INSL6: variants seen among roughly 807,000 people sequenced by gnomAD.
The protein encoded by INSL6 is insulin-like peptide INSL6.
INSL6 carries 16 observed loss-of-function variants against 9.4 expected under a neutral mutation model. That is an observed-to-expected ratio of 1.70 (90% CI 1.15 to 2.59). The LOEUF is 2.59. Ranked by LOEUF, INSL6 falls within the 30% of genes most tolerant of loss-of-function variation. The probability of loss-of-function intolerance (pLI) is 0.00; values close to 1 mark genes in which losing one functional copy is unlikely to be tolerated. For synonymous variants in INSL6, 154 were observed against 96.9 expected, an observed-to-expected ratio of 1.59 and a Z score of -3.46; for missense variants, 391 against 257.3, an observed-to-expected ratio of 1.52 and a Z score of -3.56.
the INSL6 span, among the ~76,000 whole-genome samples, chr9:5,032,364 C>T: frequency 6.6e-6 from 1 of 152,218 alleles, no homozygotes; most frequent in Admixed American, 6.5e-5. Context: ...CCTTTGCAGA[C>T]TTAAATGTCC....
At chr9:5,164,971 G>A (rs1305700432) in intron 1 of INSL6, among the ~76,000 whole-genome samples, 1 of 152,234 alleles carries the variant, frequency 6.6e-6, no homozygotes, top group African/African-American at 2.4e-5. Context: ...ACTCTGGGAG[G>A]CCGAGGCGGG....
downstream of INSL6, among the ~76,000 whole-genome samples, chr9:5,120,322 A>G (rs1823519078): frequency 6.6e-6 from 1 of 152,242 alleles, no homozygotes. Flanking sequence ...TAATACCATC[A>G]CATTAACAAC....
chr9:5,112,638 A>C, the INSL6 span: 1 of 1,008,046 alleles, frequency 9.9e-7, no homozygotes, highest in Non-Finnish European at 1.4e-6. Flanking sequence ...AACAGCGAGA[A>C]GCCCCAGACC....
intron 1 of INSL6, among the ~76,000 whole-genome samples, chr9:5,170,271 T>G (rs1053597538): frequency 1.3e-5 from 2 of 152,072 alleles, no homozygotes. Context: ...ATGATAAAAT[T>G]AAGGCAGAAA....
At chr9:5,111,002 C>G in the INSL6 span, 1 of 705,782 alleles carries the variant, frequency 1.4e-6, no homozygotes, top group Non-Finnish European at 2.4e-6. Flanking sequence ...CTGCCCGTTG[C>G]CAACGGGAAG....
intron 3 of INSL6, chr9:5,127,795 T>C: frequency 4.3e-6 from 1 of 232,640 alleles, no homozygotes; most frequent in Non-Finnish European, 8.5e-6. Flanking sequence ...AGGTTAAGAA[T>C]TTTTTCCTAA....
At chr9:5,126,099 C>T (rs976814408) in intron 3 of INSL6, 3 of 349,746 alleles carry the variant, frequency 8.6e-6, no homozygotes, top group South Asian at 2.1e-4. Context: ...GTGTTTTGAG[C>T]CCTCCTCAGG....
At chr9:5,072,555 G>GACT in the INSL6 span, 1 of 1,611,000 alleles carries the variant, frequency 6.2e-7, no homozygotes, top group Non-Finnish European at 8.5e-7. Flanking sequence ...AGAAGTAGGA[G>GACT]ACTACGGTCA....
chr9:5,161,777 C>T (rs189958037), downstream of INSL6, among the ~76,000 whole-genome samples: 4 of 152,210 alleles, frequency 2.6e-5, no homozygotes, highest in Admixed American at 6.5e-5. Flanking sequence ...TTCAGTAGCA[C>T]TTCTATGTGC....
At chr9:5,029,697 C>T in the INSL6 span, 1 of 1,256,858 alleles carries the variant, frequency 8.0e-7, no homozygotes, top group East Asian at 2.5e-5. Context: ...AGAGTTGTTA[C>T]TTTAGCTTCA....
intron 2 of INSL6, among the ~76,000 whole-genome samples, chr9:5,152,931 C>T (rs1001381038): frequency 4.6e-5 from 7 of 152,050 alleles, no homozygotes; most frequent in Admixed American, 1.3e-4. Flanking sequence ...TCGCCTCACC[C>T]GGGAAGCACA....
At chr9:5,105,065 C>G in the INSL6 span, among the ~76,000 whole-genome samples, 1 of 152,102 alleles carries the variant, frequency 6.6e-6, no homozygotes, top group East Asian at 1.9e-4. Context: ...CCAGGGCAAT[C>G]AGGCAAGAGA....
the INSL6 span, among the ~76,000 whole-genome samples, chr9:5,052,850 C>G: frequency 2.0e-5 from 3 of 151,960 alleles, no homozygotes; most frequent in African/African-American, 7.2e-5. Context: ...ATTGCTGAAT[C>G]ATTTCATTAT....
At chr9:5,142,686 CTCTT>C (rs976519822) in intron 2 of INSL6, among the ~76,000 whole-genome samples, 5 of 151,234 alleles carry the variant, frequency 3.3e-5, no homozygotes, top group Non-Finnish European at 7.4e-5. Flanking sequence ...TATTTGAATA[CTCTT>C]TCTTTTTCTT....
chr9:5,040,885 G>A, the INSL6 span: 4 of 283,980 alleles, frequency 1.4e-5, no homozygotes, highest in Non-Finnish European at 2.7e-5. Context: ...TCCGCGCCGC[G>A]CTGCTGAAGC....
the INSL6 span, among the ~76,000 whole-genome samples, chr9:5,101,191 T>C: frequency 6.6e-6 from 1 of 152,220 alleles, no homozygotes; most frequent in Non-Finnish European, 1.5e-5. Flanking sequence ...TACTGTGCTT[T>C]TCCAACAGTC....
the INSL6 span, chr9:5,114,156 AAGAAGTGTGC>A: frequency 7.2e-6 from 3 of 417,718 alleles, no homozygotes; most frequent in African/African-American, 6.1e-5. Context: ...GGACAGTGCC[AAGAAGTGTGC>A]AGATTCTAAC....
the INSL6 span, chr9:5,097,372 C>G: frequency 1.7e-4 from 26 of 152,168 alleles, no homozygotes; most frequent in African/African-American, 6.3e-4. Context: ...ATTCTTTGGT[C>G]ACCCTGAAGT....
chr9:5,107,587 CAAAAG>C, the INSL6 span, among the ~76,000 whole-genome samples: 1 of 152,020 alleles, frequency 6.6e-6, no homozygotes. Flanking sequence ...TAGTTTAAGT[CAAAAG>C]AAATGATTTC....
Sources: allele counts gnomAD v4.1 joint callset (sites outside exome capture counted in the v4.1 genomes callset), GRCh38; gene constraint gnomAD v4.1.1; transcripts MANE v1.5; gene names NCBI Gene and HGNC (gene_info 2026-07-23, HGNC 2026-07-21).